Variants in CNTN5 observed in about 807,000 individuals in gnomAD.
The protein encoded by CNTN5 is contactin-5.
Under a neutral mutation model 129.1 loss-of-function variants are expected in CNTN5, and 77 were observed. The observed-to-expected ratio is 0.60, with a 90% CI of 0.50 to 0.72. CNTN5 has a LOEUF of 0.72. CNTN5 is among the 30% of genes least tolerant of loss of function. The probability of loss-of-function intolerance (pLI) is 0.00; values close to 1 mark genes in which losing one functional copy is unlikely to be tolerated. For missense variants in CNTN5, 1,478 were observed against 1,328.8 expected (o/e 1.11, Z -1.75); for synonymous variants, 509 against 465.6 (o/e 1.09, Z -1.20).
At chr11:99,092,705 G>A (rs1358477662) in intron 1 of CNTN5, among the ~76,000 whole-genome samples, 1 of 151,972 alleles carries the variant, frequency 6.6e-6, no homozygotes, top group Non-Finnish European at 1.5e-5. Flanking sequence ...TAAAAGTTGT[G>A]TATGTTATAT....
At chr11:99,507,338 C>T (rs1003653584) in intron 2 of CNTN5, among the ~76,000 whole-genome samples, 2 of 138,162 alleles carry the variant, frequency 1.4e-5, no homozygotes, top group African/African-American at 5.5e-5. Context: ...GATGGTGCCA[C>T]TGCACTCCAG....
intron 9 of CNTN5, among the ~76,000 whole-genome samples, chr11:100,021,152 C>T (rs1374514009): frequency 2.0e-5 from 3 of 151,898 alleles, no homozygotes; most frequent in Non-Finnish European, 4.4e-5. Flanking sequence ...TATTAATTTC[C>T]ATTTTAATTA....
chr11:100,122,090 A>G (rs1053843954), intron 13 of CNTN5, among the ~76,000 whole-genome samples: 9 of 152,002 alleles, frequency 5.9e-5, no homozygotes, highest in Non-Finnish European at 1.3e-4. Context: ...AGGGCAGGCT[A>G]TCTGCAAGCT....
intron 2 of CNTN5, among the ~76,000 whole-genome samples, chr11:99,434,274 A>C (rs1943514904): frequency 6.6e-6 from 1 of 152,142 alleles, no homozygotes; most frequent in South Asian, 2.1e-4. Flanking sequence ...TTTCTGAAAA[A>C]ACAGTAGATA....
Position 100,070,475 on chromosome 11 carries a change from G to T in CNTN5, c.1214G>T (p.Ser405Ile). Residue 405 changes from serine (S) to isoleucine (I), a missense_variant, in exon 11 of 25, where the codon AGC (serine) becomes ATC (isoleucine). Physicochemically the swap from Ser to Ile is moderately radical, Grantham distance 142. Transcript: ENST00000524871. Reference protein sequence around the residue: ...KLNDTQLDSGSPLRWECKATG... With the variant: ...KLNDTQLDSGIPLRWECKATG... ...AATGATACTCAGTTAGACAGTGGGA[G>T]CCCTCTCCGATGGGAATGTAAGGCT... 1 of 1,612,714 alleles carries T rather than the reference G, an allele frequency of 6.2e-7. No homozygotes were observed. The highest frequency in any genetic ancestry group is 8.5e-7 in the Non-Finnish European group (1 of 1,179,260).
chr11:99,422,791 A>C (rs1942959072), intron 2 of CNTN5, among the ~76,000 whole-genome samples: 1 of 152,026 alleles, frequency 6.6e-6, no homozygotes, highest in Non-Finnish European at 1.5e-5. Flanking sequence ...GAATGTTCAA[A>C]GAACTTAAAG....
At chr11:99,144,773 A>G (rs980949493) in intron 1 of CNTN5, among the ~76,000 whole-genome samples, 2 of 151,744 alleles carry the variant, frequency 1.3e-5, no homozygotes, top group African/African-American at 4.8e-5. Flanking sequence ...TTTTTTAATG[A>G]TATCTCTTTG....
intron 3 of CNTN5, among the ~76,000 whole-genome samples, chr11:99,679,159 CTATA>C (rs372303923): frequency 6.9e-6 from 1 of 145,406 alleles, no homozygotes; most frequent in African/African-American, 2.5e-5. Context: ...CATATAACCT[CTATA>C]TAGGGAATAT....
At chr11:99,804,879 A>G (rs1946222525) in intron 3 of CNTN5, among the ~76,000 whole-genome samples, 2 of 150,654 alleles carry the variant, frequency 1.3e-5, no homozygotes, top group South Asian at 2.1e-4. Context: ...CATATATATG[A>G]GAAAAACCAC....
intron 1 of CNTN5, among the ~76,000 whole-genome samples, chr11:99,022,288 A>G (rs533199742): frequency 1.3e-5 from 2 of 152,196 alleles, no homozygotes; most frequent in Non-Finnish European, 2.9e-5. Flanking sequence ...AAATAGTCAA[A>G]TTTAAAAATT....
intron 9 of CNTN5, among the ~76,000 whole-genome samples, chr11:100,039,702 G>C (rs1942258792): frequency 6.6e-6 from 1 of 152,030 alleles, no homozygotes; most frequent in Non-Finnish European, 1.5e-5. Context: ...TTGTCTTCTT[G>C]CTTCATTTCA....
At chr11:99,475,808 T>G (rs190082088) in intron 2 of CNTN5, among the ~76,000 whole-genome samples, 147 of 152,182 alleles carry the variant, frequency 9.7e-4, no homozygotes, top group African/African-American at 3.4e-3. Flanking sequence ...TTTGGATGGT[T>G]TCTATTTCCC....
chr11:99,567,294 T>C (rs1285716910), intron 3 of CNTN5, among the ~76,000 whole-genome samples: 1 of 152,172 alleles, frequency 6.6e-6, no homozygotes, highest in African/African-American at 2.4e-5. Context: ...ATACATATAG[T>C]TTTTTTCTTC....
At chr11:100,296,575 C>T (rs1944177) in intron 18 of CNTN5, among the ~76,000 whole-genome samples, 5 of 151,234 alleles carry the variant, frequency 3.3e-5, no homozygotes, top group East Asian at 1.9e-4. Flanking sequence ...AAGGGCCAAA[C>T]GATACTGAAA....
intron 1 of CNTN5, among the ~76,000 whole-genome samples, chr11:99,255,736 A>G (rs1409270778): frequency 6.6e-6 from 1 of 151,386 alleles, no homozygotes; most frequent in African/African-American, 2.4e-5. Context: ...TATGGTCATT[A>G]TAATTTTGTA....
intron 13 of CNTN5, among the ~76,000 whole-genome samples, chr11:100,110,200 A>T (rs1231733515): frequency 2.8e-5 from 4 of 145,008 alleles, no homozygotes; most frequent in African/African-American, 1.1e-4. Flanking sequence ...AAAAAAAAAA[A>T]GAAAAGAAAA....
At chr11:99,738,149 AC>A (rs1221531677) in intron 3 of CNTN5, among the ~76,000 whole-genome samples, 1 of 152,154 alleles carries the variant, frequency 6.6e-6, no homozygotes, top group Non-Finnish European at 1.5e-5. Context: ...TGACATCTTA[AC>A]CCCAAGTACC....
intron 2 of CNTN5, among the ~76,000 whole-genome samples, chr11:99,461,855 T>G (rs990519807): frequency 1.3e-5 from 2 of 152,182 alleles, no homozygotes; most frequent in Admixed American, 1.3e-4. Context: ...TAGAATTGTG[T>G]TACAATATCA....
intron 1 of CNTN5, among the ~76,000 whole-genome samples, chr11:99,082,350 A>G (rs1865837898): frequency 6.6e-6 from 1 of 151,938 alleles, no homozygotes; most frequent in Admixed American, 6.6e-5. Context: ...ATGCCCAGCT[A>G]ATTTTTGTAT....
Sources: gnomAD v4.1 joint callset for allele counts (sites outside exome capture counted in the v4.1 genomes callset) on GRCh38, gnomAD v4.1.1 for gene constraint, MANE v1.5 for transcripts, NCBI Gene and HGNC (gene_info 2026-07-23, HGNC 2026-07-21) for gene names.